The following TCF4 variants were observed in gnomAD, a reference collection of about 807,000 sequenced individuals.
TCF4 encodes SL3-3 enhancer factor 2.
Under a neutral mutation model 82.1 loss-of-function variants are expected in TCF4, and 3 were observed. The observed-to-expected ratio is 0.04, with a 90% CI of 0.02 to 0.09. The LOEUF (loss-of-function observed/expected upper bound fraction) is 0.09, where lower values mean the gene tolerates loss of function less well. TCF4 is among the 10% of genes least tolerant of loss of function. The probability of loss-of-function intolerance (pLI) is 1.00; values close to 1 mark genes in which losing one functional copy is unlikely to be tolerated. For synonymous variants in TCF4, 276 were observed against 309.6 expected (o/e 0.89, Z 1.14); for missense variants, 518 against 852.7 (o/e 0.61, Z 4.89).
At chr18:55,426,562 C>T (rs1327787144) in intron 5 of TCF4, among the ~76,000 whole-genome samples, 1 of 152,118 alleles carries the variant, frequency 6.6e-6, no homozygotes, top group East Asian at 1.9e-4. Flanking sequence ...GGCATCTGTT[C>T]CCCTCTAATT....
intron 6 of TCF4, among the ~76,000 whole-genome samples, chr18:55,377,308 C>T: frequency 6.6e-6 from 1 of 152,182 alleles, no homozygotes; most frequent in Admixed American, 6.6e-5. Flanking sequence ...TTTCAATTTA[C>T]TACCATCACC....
At chr18:55,467,840 G>A (rs960368521) in intron 3 of TCF4, among the ~76,000 whole-genome samples, 31 of 152,270 alleles carry the variant, frequency 2.0e-4, no homozygotes, top group African/African-American at 6.7e-4. Flanking sequence ...CAGCTCACAT[G>A]TGGTGAGCTT....
chr18:55,518,285 A>C (rs1426897707), intron 3 of TCF4, among the ~76,000 whole-genome samples: 2 of 152,216 alleles, frequency 1.3e-5, no homozygotes, highest in Non-Finnish European at 1.5e-5. Context: ...TAAGTAGAGC[A>C]AATTTAGTTC....
chr18:55,363,699 G>A (rs969401423), intron 6 of TCF4, among the ~76,000 whole-genome samples: 26 of 152,092 alleles, frequency 1.7e-4, no homozygotes, highest in African/African-American at 4.8e-4. Context: ...CCAGCTATTA[G>A]AGAGGCTGAG....
At chr18:55,412,071 T>G (rs536910836) in intron 5 of TCF4, among the ~76,000 whole-genome samples, 5 of 152,126 alleles carry the variant, frequency 3.3e-5, no homozygotes, top group African/African-American at 4.8e-5. Context: ...AAAATTCCAC[T>G]GGTTATTCTG....
At chr18:55,365,156 A>AAT (rs139574594) in intron 6 of TCF4, among the ~76,000 whole-genome samples, 5,534 of 83,206 alleles carry the variant, frequency 0.067, 199 homozygotes, top group South Asian at 0.089. Context: ...CCATCTCCAA[A>AAT]ATATATATAT....
At chr18:55,256,405 A>G (rs2056855904) in intron 14 of TCF4, among the ~76,000 whole-genome samples, 1 of 152,142 alleles carries the variant, frequency 6.6e-6, no homozygotes, top group Admixed American at 6.6e-5. Flanking sequence ...TAGTGCATAT[A>G]TGTTTCACTG....
At chr18:55,485,886 T>C (rs2924332) in intron 3 of TCF4, among the ~76,000 whole-genome samples, 34,627 of 152,126 alleles carry the variant, frequency 0.23, 4,351 homozygotes, top group Non-Finnish European at 0.28. Context: ...TCTGGATGTG[T>C]CACACACACA....
intron 6 of TCF4, chr18:55,400,835 C>T (rs1488197602): frequency 1.8e-6 from 1 of 568,698 alleles, no homozygotes; most frequent in Non-Finnish European, 2.7e-6. Flanking sequence ...AGCATGTTTC[C>T]ATATAGCACT....
chr18:55,343,123 T>G (rs910009871), intron 8 of TCF4, among the ~76,000 whole-genome samples: 11 of 152,112 alleles, frequency 7.2e-5, no homozygotes, highest in African/African-American at 2.7e-4. Flanking sequence ...TATGTGTATG[T>G]GACGAATGAC....
intron 3 of TCF4, among the ~76,000 whole-genome samples, chr18:55,465,043 A>G (rs908472385): frequency 1.3e-5 from 2 of 152,222 alleles, no homozygotes; most frequent in Admixed American, 6.5e-5. Flanking sequence ...ATATTTAGAA[A>G]TGGCTGTGAG....
intron 6 of TCF4, among the ~76,000 whole-genome samples, chr18:55,368,806 C>T (rs1025114090): frequency 7.2e-5 from 11 of 152,168 alleles, no homozygotes; most frequent in East Asian, 5.8e-4. Context: ...TCAAATGCAA[C>T]GTGTGAACCT....
chr18:55,544,506 C>T (rs1219291810), intron 3 of TCF4, among the ~76,000 whole-genome samples: 1 of 152,180 alleles, frequency 6.6e-6, no homozygotes, highest in Non-Finnish European at 1.5e-5. Flanking sequence ...ACATCCCTCA[C>T]AAGAATAAAA....
chr18:55,519,584 T>C (rs1284581399), intron 3 of TCF4, among the ~76,000 whole-genome samples: 2 of 152,166 alleles, frequency 1.3e-5, no homozygotes, highest in Non-Finnish European at 2.9e-5. Flanking sequence ...AAATAATTAT[T>C]TCAGAGCCTA....
At chr18:55,373,914 A>G (rs527776498) in intron 6 of TCF4, among the ~76,000 whole-genome samples, 12 of 152,256 alleles carry the variant, frequency 7.9e-5, no homozygotes, top group Admixed American at 1.3e-4. Context: ...AAATCCTACT[A>G]GATTACCCCC....
intron 2 of TCF4, among the ~76,000 whole-genome samples, chr18:55,630,110 GGTTT>G (rs1300931756): frequency 2.0e-5 from 3 of 151,898 alleles, no homozygotes; most frequent in Admixed American, 1.3e-4. Flanking sequence ...GTAAAGCAAA[GGTTT>G]GTTTTTTAAA....
chr18:55,440,064 G>C (rs55949421), intron 5 of TCF4, among the ~76,000 whole-genome samples: 1 of 151,936 alleles, frequency 6.6e-6, no homozygotes, highest in Admixed American at 6.6e-5. Context: ...GCATAACTTT[G>C]GGGTGTCTGT....
intron 2 of TCF4, among the ~76,000 whole-genome samples, chr18:55,598,245 T>G (rs767102396): frequency 4.6e-5 from 7 of 152,162 alleles, no homozygotes; most frequent in Non-Finnish European, 1.0e-4. Context: ...GAGAAAAGAA[T>G]GTCCTGGGCT....
At chr18:55,353,945 T>C (rs1360262149) in intron 6 of TCF4, among the ~76,000 whole-genome samples, 1 of 152,170 alleles carries the variant, frequency 6.6e-6, no homozygotes, top group Non-Finnish European at 1.5e-5. Flanking sequence ...TATAATGGTT[T>C]TAGGTTTTTC....
Sources: allele counts gnomAD v4.1 joint callset (sites outside exome capture counted in the v4.1 genomes callset), GRCh38; gene constraint gnomAD v4.1.1; transcripts MANE v1.5; gene names NCBI Gene and HGNC (gene_info 2026-07-23, HGNC 2026-07-21).